The following KLHDC8A variants were observed in gnomAD, a reference collection of about 807,000 sequenced individuals.
KLHDC8A encodes the protein kelch domain containing 8A.
A neutral mutation model predicts 33.1 loss-of-function variants in KLHDC8A; 21 were observed. The observed-to-expected ratio is 0.64, with a 90% CI of 0.45 to 0.91. KLHDC8A has a LOEUF of 0.91. KLHDC8A is among the 40% of genes least tolerant of loss of function. The pLI, the probability that KLHDC8A is intolerant of heterozygous loss-of-function variation, is 0.00. For missense variants in KLHDC8A, 435 were observed against 483.3 expected, an observed-to-expected ratio of 0.90 and a Z score of 0.94; for synonymous variants, 173 against 193.5, an observed-to-expected ratio of 0.89 and a Z score of 0.88.
chr1:205,338,824 T>C (rs1662707559), intron 4 of KLHDC8A, among the ~76,000 whole-genome samples: 1 of 152,140 alleles, frequency 6.6e-6, no homozygotes, highest in Admixed American at 6.5e-5. Flanking sequence ...CTACAATGAA[T>C]CACCTTGACT....
intron 1 of KLHDC8A, among the ~76,000 whole-genome samples, chr1:205,347,756 T>C (rs2102293334): frequency 6.6e-6 from 1 of 152,060 alleles, no homozygotes; most frequent in East Asian, 1.9e-4. Flanking sequence ...CATTACAAGG[T>C]AGGAGTGGGA....
At chr1:205,352,448 A>C (rs965460613) in intron 1 of KLHDC8A, among the ~76,000 whole-genome samples, 1 of 152,004 alleles carries the variant, frequency 6.6e-6, no homozygotes, top group East Asian at 1.9e-4. Context: ...ACTGGAGAGG[A>C]GGGGGTGGGG....
intron 1 of KLHDC8A, among the ~76,000 whole-genome samples, chr1:205,355,914 T>G (rs1254889405): frequency 2.0e-5 from 3 of 152,206 alleles, no homozygotes; most frequent in Non-Finnish European, 2.9e-5. Flanking sequence ...TGTATGTACA[T>G]AGTAGGTAGT....
chr1:205,337,458 C>T lies in KLHDC8A; in HGVS notation c.994G>A (p.Gly332Arg). ...IVVKNCLLAVGGVNQGLSDAV... is the reference protein window; with the variant it reads ...IVVKNCLLAVRGVNQGLSDAV... Reference sequence around the variant, plus strand: ...TCACTCAGACCCTGGTTGACACCTCCCACGGCGAGGAGGCAGTTCTTGACG... The same window carrying T: ...TCACTCAGACCCTGGTTGACACCTCTCACGGCGAGGAGGCAGTTCTTGACG... Residue 332 changes from glycine to arginine, a missense_variant, in exon 6 of 6, where the codon GGA (glycine) becomes AGA (arginine). Coordinates refer to ENST00000367155, the MANE Select transcript of KLHDC8A (RefSeq NM_018203.3). 3 of 1,613,978 alleles carry T rather than the reference C, an allele frequency of 1.9e-6. No homozygotes were observed. Among genetic ancestry groups the T allele is most frequent in the Non-Finnish European group, 1.7e-6 (2 of 1,180,002 alleles).
rs776503997 is a variant in KLHDC8A, at chr1:205,339,663, G to T, written c.522C>A (p.Gly174=). ...CCTTACCCAGCACGTAGATCTTGGA[G>T]CCTCGGAGGAAGGAGGTGGCAGCAT... The part of the protein sequence containing the change: ...PRYAATSFLR[G]SKIYVLGGRQ... The change falls in exon 3 of 6, where the codon GGC becomes GGA. Residue 174 remains glycine, a synonymous_variant. Coordinates refer to ENST00000367155, the MANE Select transcript of KLHDC8A (RefSeq NM_018203.3). The surrounding 1 kb of genome is among the most constrained non-coding windows in gnomAD (Gnocchi z 5.1). 1 of 1,614,138 alleles carries T rather than the reference G, an allele frequency of 6.2e-7. No homozygotes were observed. The highest frequency in any genetic ancestry group is 1.1e-5 in the South Asian group (1 of 91,070).
chr1:205,347,562 TAAAC>T (rs1662980992), intron 1 of KLHDC8A, among the ~76,000 whole-genome samples: 1 of 151,946 alleles, frequency 6.6e-6, no homozygotes. Flanking sequence ...CTGCAAAAAA[TAAAC>T]AAAAATTATC....
chr1:205,354,295 T>C (rs148966200), intron 1 of KLHDC8A, among the ~76,000 whole-genome samples: 1 of 152,392 alleles, frequency 6.6e-6, no homozygotes, highest in African/African-American at 2.4e-5. Flanking sequence ...TGCATTTAAA[T>C]AGAAAACCTC....
At chr1:205,355,801 G>A (rs1663251073) in intron 1 of KLHDC8A, among the ~76,000 whole-genome samples, 1 of 152,188 alleles carries the variant, frequency 6.6e-6, no homozygotes. Context: ...ACCTGTCTAT[G>A]TAGATATTCT....
chr1:205,353,677 G>A (rs759559400), intron 1 of KLHDC8A, among the ~76,000 whole-genome samples: 2 of 152,050 alleles, frequency 1.3e-5, no homozygotes, highest in East Asian at 1.9e-4. Flanking sequence ...CTATAGACAC[G>A]CACCACTCCC....
At chr1:205,350,019 C>A (rs1181628811) in intron 1 of KLHDC8A, among the ~76,000 whole-genome samples, 1 of 152,090 alleles carries the variant, frequency 6.6e-6, no homozygotes, top group Non-Finnish European at 1.5e-5. Context: ...GGCGGGGAGC[C>A]CTAGAGAAAG....
At position 205,343,774 on chromosome 1, in the gene KLHDC8A, G is replaced by A. The variant is rs932577008; in HGVS notation, c.-170C>T. 1 of 741,278 alleles carries A rather than the reference G, an allele frequency of 1.3e-6. No homozygotes were observed. The highest frequency in any genetic ancestry group is 1.9e-5 in the African/African-American group (1 of 54,020). 45.9% of individuals were successfully genotyped at this position (741,278 alleles called of 1,614,324 possible). ...ACCGTGCCCCGAGTCTCAGCGGTCC[G>A]GCGGCGTCCACGCCTGGCCCTGCGG... On this transcript the variant is annotated 5_prime_UTR_variant, in exon 2 of 6. Transcript: ENST00000367155.
At chr1:205,346,051 G>A (rs750131601) in intron 1 of KLHDC8A, among the ~76,000 whole-genome samples, 10 of 152,192 alleles carry the variant, frequency 6.6e-5, no homozygotes, top group South Asian at 2.1e-4. Flanking sequence ...TCCATCCAAC[G>A]GGCCCATCTT....
At chr1:205,355,204 C>G (rs945521341) in intron 1 of KLHDC8A, among the ~76,000 whole-genome samples, 4 of 152,226 alleles carry the variant, frequency 2.6e-5, no homozygotes, top group Non-Finnish European at 5.9e-5. Flanking sequence ...AGCCCAAAGT[C>G]CAGTCCAGCC....
rs1316460855 is a variant in KLHDC8A at position 205,343,372 on chromosome 1, CCCAGGGCGGTGACGG to C, written c.218_232del (p.Ala73_Leu77del). ...GCCCCCAATCACCATGATCCGCTTCCCCAGGGCGGTGACGGCCACCCCCGCCCGGGCTGTGGGCAG... is the reference window on the plus strand; with the variant it reads ...GCCCCCAATCACCATGATCCGCTTCCCCACCCCCGCCCGGGCTGTGGGCAG... On this transcript the variant is annotated inframe_deletion, in exon 2 of 6. Transcript: ENST00000367155. The C allele has an allele frequency of 6.2e-7, 1 of 1,613,626 alleles. No homozygotes were observed. Among genetic ancestry groups the C allele is most frequent in the East Asian group, 2.2e-5 (1 of 44,878 alleles).
chr1:205,345,524 G>T (rs1662922801), intron 1 of KLHDC8A, among the ~76,000 whole-genome samples: 1 of 152,128 alleles, frequency 6.6e-6, no homozygotes, highest in African/African-American at 2.4e-5. Context: ...GATCACTTGA[G>T]GTCAGGAGTT....
chr1:205,342,133 T>G (rs10736841), intron 2 of KLHDC8A, among the ~76,000 whole-genome samples: 148,690 of 152,298 alleles, frequency 0.98, 72,678 homozygotes, highest in East Asian at 1. Flanking sequence ...TGGGCCAGTG[T>G]TTTAACTAAC....
intron 1 of KLHDC8A, among the ~76,000 whole-genome samples, chr1:205,349,012 A>C (rs1011469244): frequency 5.3e-5 from 8 of 152,206 alleles, no homozygotes; most frequent in Non-Finnish European, 8.8e-5. Flanking sequence ...TCATCCAATT[A>C]GGACTGAGGC....
chr1:205,351,098 A>T (rs1308352701), intron 1 of KLHDC8A: 2 of 605,158 alleles, frequency 3.3e-6, no homozygotes, highest in African/African-American at 3.7e-5. Context: ...ATCCCCACCC[A>T]GGAGAGAAGG....
At position 205,351,340 on chromosome 1, in the gene KLHDC8A, C is replaced by T. The variant is rs1027750585; in HGVS notation, c.-190+5193G>A. 3.4e-5 allele frequency: 31 copies of T among 916,056 alleles called. 1 individual carries two copies. Among genetic ancestry groups the T allele is most frequent in the Admixed American group, 3.0e-4 (18 of 59,118 alleles). The allele number at this position is 916,056 out of a possible 1,614,324, so 56.7% of individuals were successfully genotyped here. A position where few individuals can be genotyped will look rare whatever the true frequency, so the allele number is the denominator to read the frequency against. On this transcript the variant is annotated intron_variant, in intron 1 of 5. Transcript: ENST00000367155. ...TGGCAGACATGTCCAAGGAATATTG[C>T]GGGGATTTGATCCCTTTATGAACCT... is the stretch of plus-strand genomic sequence containing the variant.
Sources: gnomAD v4.1 joint callset for allele counts (sites outside exome capture counted in the v4.1 genomes callset) on GRCh38, gnomAD v4.1.1 for gene constraint, Gnocchi (gnomAD v3.1) non-coding constraint, MANE v1.5 for transcripts, NCBI Gene and HGNC (gene_info 2026-07-23, HGNC 2026-07-21) for gene names.